DDX51: variants seen among roughly 807,000 people sequenced by gnomAD.
DDX51 encodes ATP-dependent RNA helicase DDX51.
A neutral mutation model predicts 74.6 loss-of-function variants in DDX51; 67 were observed. That is an observed-to-expected ratio of 0.90 (90% CI 0.74 to 1.10). The LOEUF is 1.10. Among genes scored for constraint, DDX51 ranks in the 50% least tolerant of loss-of-function variants. The probability of loss-of-function intolerance (pLI) is 0.00; values close to 1 mark genes in which losing one functional copy is unlikely to be tolerated. For synonymous variants in DDX51, 545 were observed against 402.9 expected, an observed-to-expected ratio of 1.35 and a Z score of -4.22; for missense variants, 1,056 against 905.2, an observed-to-expected ratio of 1.17 and a Z score of -2.14.
In DDX51 at chr12:132,139,767, C is replaced by G. The variant is rs1471594785; in HGVS notation, c.1842G>C (p.Glu614Asp). The G allele has an allele frequency of 6.2e-7, 1 of 1,613,172 alleles. No homozygotes were observed. The highest frequency in any genetic ancestry group is 2.2e-5 in the East Asian group (1 of 44,872). The change falls in exon 14 of 15, where the codon GAG becomes GAC. Residue 614 changes from glutamate (E) to aspartate (D), a missense_variant and splice_region_variant. Transcript: ENST00000397333. ...CAGTTAGCATTCGGAGGAATCTCCT[C>G]TCCTGGAGAGAAGCTCATGGTGGAA... ...QAFTLLLKVQ[E>D]RRFLRMLTEA...
intron 2 of DDX51, 22 bp downstream of exon 2, chr12:132,143,673 C>T (rs753336302): frequency 1.3e-6 from 2 of 1,536,922 alleles, no homozygotes; most frequent in South Asian, 2.4e-5. Flanking sequence ...CGCCGACCAC[C>T]CTCCCGCCCG....
At chr12:132,143,121 G>T (rs778386532) in intron 2 of DDX51, 7 of 530,056 alleles carry the variant, frequency 1.3e-5, no homozygotes, top group Non-Finnish European at 2.0e-5. Context: ...CCCTCCCGCA[G>T]CCAGGAGGTC....
At position 132,141,380 on chromosome 12, in the gene DDX51, T is replaced by G. The variant is rs766104802; in HGVS notation, c.1145A>C (p.Gln382Pro). ...EADRMIDSMH[Q>P]SWLPRVVAAA... ...CGCCACCACCCGCGGCAGCCAGGAC[T>G]GATGCATGCTGTCAATCATCCGGTC... Residue 382 changes from glutamine to proline, a missense_variant, in exon 8 of 15, where the codon CAG becomes CCG. Transcript: ENST00000397333. 6.3e-7 allele frequency: 1 copy of G among 1,597,766 alleles called. No homozygotes were observed. The highest frequency in any genetic ancestry group is 1.1e-5 in the South Asian group (1 of 90,976).
chr12:132,141,236 G>C, intron 8 of DDX51, 39 bp downstream of exon 8: 1 of 1,562,844 alleles, frequency 6.4e-7, no homozygotes, highest in Non-Finnish European at 8.6e-7. Flanking sequence ...AGAGGACTCT[G>C]CTCAGGGGAG....
intron 8 of DDX51, 99 bp from the exon 9 acceptor site, chr12:132,141,119 G>C: frequency 1.3e-6 from 2 of 1,501,062 alleles, no homozygotes; most frequent in Non-Finnish European, 1.8e-6. Flanking sequence ...GACTGCCGCA[G>C]ACCAGGAGCA....
chr12:132,143,714 C>T lies in DDX51; in HGVS notation c.500G>A (p.Gly167Glu), dbSNP rs1311720847. ...GCTCACCTTCGGCGCCTTCCTCTTC[C>T]CGAACCCCCCCAGCACCAGGCCGGG... ...LVPGLVLGGFGKRKAPKVQPF... is the reference protein window; with the variant it reads ...LVPGLVLGGFEKRKAPKVQPF... The change falls in exon 2 of 15, where the codon GGG (glycine) becomes GAG (glutamate). Residue 167 changes from glycine to glutamate, a missense_variant. Gly to Glu is a moderately conservative substitution (Grantham distance 98). Coordinates refer to ENST00000397333, the MANE Select transcript of DDX51 (RefSeq NM_175066.4). The T allele has an allele frequency of 1.3e-6, 2 of 1,540,570 alleles. No homozygotes were observed. The highest frequency in any genetic ancestry group is 3.9e-5 in the Admixed American group (2 of 51,336).
At position 132,142,399 on chromosome 12, in the gene DDX51, G is replaced by T. The variant is rs752115773; in HGVS notation, c.694C>A (p.Leu232Ile). The T allele has an allele frequency of 6.2e-7, 1 of 1,612,500 alleles. No individual in the cohort carries two copies. The highest frequency in any genetic ancestry group is 8.5e-7 in the Non-Finnish European group (1 of 1,180,008). The change falls in exon 4 of 15, where the codon CTC becomes ATC. Residue 232 changes from leucine to isoleucine, a missense_variant. Physicochemically the swap from Leu to Ile is conservative, Grantham distance 5. Transcript: ENST00000397333. ...AACCCACAGGCTGCGCTCTCCAGGA[G>T]GGCAGGAATCACAGCTGCCTGGACT... ...FPVQAAVIPA[L>I]LESAACGFLV...
chr12:132,143,473 G>C (rs1897561029), intron 2 of DDX51: 1 of 623,654 alleles, frequency 1.6e-6, no homozygotes, highest in South Asian at 2.0e-5. Flanking sequence ...CAGAACTGGC[G>C]CGGCGCGGCG....
chr12:132,139,861 C>T lies in DDX51; in HGVS notation c.1839G>A (p.Gln613=). The T allele has an allele frequency of 6.2e-7, 1 of 1,613,236 alleles. No homozygotes were observed. Among genetic ancestry groups the T allele is most frequent in the Non-Finnish European group, 8.5e-7 (1 of 1,180,016 alleles). The change falls in exon 13 of 15, where the codon CAG becomes CAA. Residue 613 remains glutamine (Q), a splice_region_variant and synonymous_variant. Coordinates refer to ENST00000397333, the MANE Select transcript of DDX51 (RefSeq NM_175066.4). ...ACTCCCAAGACCCTCGCAGCCTCAC[C>T]TGCACTTTCAGGAGCAGTGTGAAGG... ...GQAFTLLLKV[Q]ERRFLRMLTE... is the part of the protein sequence containing the mutation.
Position 132,137,909 on chromosome 12 carries a change from C to G in DDX51, c.*1363G>C, listed in dbSNP as rs1897311769. 2 of 152,228 alleles carry G rather than the reference C, an allele frequency of 1.3e-5. No individual in the cohort carries two copies. Among genetic ancestry groups the G allele is most frequent in the African/African-American group, 4.8e-5 (2 of 41,434 alleles). The allele number at this position is 152,228 out of a possible 1,614,324, so 9.4% of individuals were successfully genotyped here. A position where few individuals can be genotyped will look rare whatever the true frequency, so the allele number is the denominator to read the frequency against. On this transcript the variant is annotated 3_prime_UTR_variant, in exon 15 of 15. Transcript: ENST00000397333. Reference sequence around the variant, plus strand: ...CCCCCACCAACTCCCGGCCCCGGCACCCTTCAATCTCTGGCTGTGCCTGGG... The same window carrying G: ...CCCCCACCAACTCCCGGCCCCGGCAGCCTTCAATCTCTGGCTGTGCCTGGG...
In DDX51 at chr12:132,144,316, A is replaced by T; in HGVS notation, c.-20T>A. On this transcript the variant is annotated 5_prime_UTR_variant, in exon 1 of 15. Coordinates refer to ENST00000397333, the MANE Select transcript of DDX51 (RefSeq NM_175066.4). ...CGCCATGGCCAGCCGCACGCCTGGG[A>T]CTCGGGCGTGGCGCGCTGCGATGAC... The T allele has an allele frequency of 7.4e-7, 1 of 1,346,716 alleles. No individual in the cohort carries two copies. The highest frequency in any genetic ancestry group is 9.5e-7 in the Non-Finnish European group (1 of 1,053,674). The allele number at this position is 1,346,716 out of a possible 1,614,324, so 83.4% of individuals were successfully genotyped here. A position where few individuals can be genotyped will look rare whatever the true frequency, so the allele number is the denominator to read the frequency against.
At chr12:132,142,247 G>C (rs374083361) in intron 4 of DDX51, 30 bp downstream of exon 4, 12 of 1,609,924 alleles carry the variant, frequency 7.5e-6, no homozygotes, top group Non-Finnish European at 1.0e-5. Context: ...CTGCACACCC[G>C]CTGTAGAGAA....
chr12:132,140,927 C>T lies in DDX51; in HGVS notation c.1344G>A (p.Gln448=), dbSNP rs770563658. 1.2e-6 allele frequency: 2 copies of T among 1,613,260 alleles called. No homozygotes were observed. Among genetic ancestry groups the T allele is most frequent in the South Asian group, 1.1e-5 (1 of 91,088 alleles). Reference sequence around the variant, plus strand: ...CTAGCCCTGTGGAGAAAAGCCGGGGCTGGTGGAGGCCCAGCTGCTGCAGCT... The same window carrying T: ...CTAGCCCTGTGGAGAAAAGCCGGGGTTGGTGGAGGCCCAGCTGCTGCAGCT... ...PEKLQQLGLH[Q]PRLFSTGLAH... Residue 448 remains glutamine (Q), a synonymous_variant, in exon 9 of 15, where the codon CAG becomes CAA. Transcript: ENST00000397333.
chr12:132,139,679 G>A lies in DDX51; in HGVS notation c.1930C>T (p.Pro644Ser), dbSNP rs202056443. ...LSSKLLQPLV[P>S]RYEEALSQLE... ...TGGGACAGGGCCTCCTCGTACCGAG[G>A]AACCAGCGGCTGCAGCAGCTTGCTG... The change falls in exon 14 of 15, where the codon CCT (proline) becomes TCT (serine). Residue 644 changes from proline to serine, a missense_variant. By Grantham distance (74) the Pro-to-Ser change is moderately conservative. Coordinates refer to ENST00000397333, the MANE Select transcript of DDX51 (RefSeq NM_175066.4). 212 of 1,613,006 alleles carry A rather than the reference G, an allele frequency of 1.3e-4. No homozygotes were observed. Among genetic ancestry groups the A allele is most frequent in the Non-Finnish European group, 3.4e-5 (40 of 1,180,024 alleles).
chr12:132,137,370 T>G lies in DDX51; in HGVS notation c.*1902A>C, dbSNP rs1897287397. 6.6e-6 allele frequency: 1 copy of G among 152,248 alleles called. No individual in the cohort carries two copies. The highest frequency in any genetic ancestry group is 1.5e-5 in the Non-Finnish European group (1 of 68,050). The allele number at this position is 152,248 out of a possible 1,614,324, so 9.4% of individuals were successfully genotyped here. A position where few individuals can be genotyped will look rare whatever the true frequency, so the allele number is the denominator to read the frequency against. The stretch of plus-strand genomic sequence containing the variant: ...GGCTGCTTGTCGTGAGAAGTGATTT[T>G]GAACCCCGAGGTTAGAAAGGGAGCT... On this transcript the variant is annotated 3_prime_UTR_variant, in exon 15 of 15. Coordinates refer to ENST00000397333, the MANE Select transcript of DDX51 (RefSeq NM_175066.4).
Position 132,142,779 on chromosome 12 carries a change from G to A in DDX51, c.619C>T (p.Pro207Ser), listed in dbSNP as rs1565955327. Residue 207 changes from proline to serine, a missense_variant, in exon 3 of 15, where the codon CCT becomes TCT. Transcript: ENST00000397333. ...GCCCGCAGCTGCTTCTGCAGGTCAG[G>A]ATGGACGTCAGGGATGTCCTCGATA... The part of the protein sequence containing the change: ...VPIEDIPDVH[P>S]DLQKQLRAHG... 6.2e-7 allele frequency: 1 copy of A among 1,613,136 alleles called. No homozygotes were observed. Among genetic ancestry groups the A allele is most frequent in the South Asian group, 1.1e-5 (1 of 91,090 alleles).
In DDX51 at chr12:132,137,738, G is replaced by A. The variant is rs929656498; in HGVS notation, c.*1534C>T. 2.6e-5 allele frequency: 4 copies of A among 152,210 alleles called. No homozygotes were observed. Among genetic ancestry groups the A allele is most frequent in the African/African-American group, 7.2e-5 (3 of 41,434 alleles). 9.4% of individuals were successfully genotyped at this position (152,210 alleles called of 1,614,324 possible). ...TTTTTCAAACAAAGCACTGGACTGA[G>A]AGAATTCACACACTGTATCCACCCA... On this transcript the variant is annotated 3_prime_UTR_variant, in exon 15 of 15. Transcript: ENST00000397333.
chr12:132,140,912 G>A lies in DDX51; in HGVS notation c.1359C>T (p.Ser453=), dbSNP rs1266056025. The change falls in exon 9 of 15, where the codon TCC becomes TCT. Residue 453 remains serine, a synonymous_variant. Transcript: ENST00000397333. ...CCAGGCCCCTGTGTGCTAGCCCTGTGGAGAAAAGCCGGGGCTGGTGGAGGC... is the reference window on the plus strand; with the variant it reads ...CCAGGCCCCTGTGTGCTAGCCCTGTAGAGAAAAGCCGGGGCTGGTGGAGGC... The part of the protein sequence containing the change: ...QLGLHQPRLF[S]TGLAHRGLED... 16 of 1,613,412 alleles carry A rather than the reference G, an allele frequency of 9.9e-6. No individual in the cohort carries two copies. Among genetic ancestry groups the A allele is most frequent in the Non-Finnish European group, 1.2e-5 (14 of 1,179,952 alleles).
At chr12:132,141,461 T>C in intron 7 of DDX51, 37 bp downstream of exon 7, 1 of 1,581,984 alleles carries the variant, frequency 6.3e-7, no homozygotes, top group Non-Finnish European at 8.6e-7. Flanking sequence ...GGCGCGGCCC[T>C]GAGCTCAAAG....
Sources: allele counts gnomAD v4.1 joint callset, GRCh38; gene constraint gnomAD v4.1.1; transcripts MANE v1.5; gene names NCBI Gene and HGNC (gene_info 2026-07-23, HGNC 2026-07-21).